ANO1: variants seen among roughly 807,000 people sequenced by gnomAD.
ANO1 encodes the protein anoctamin 1.
ANO1 carries 59 observed loss-of-function variants against 124.0 expected under a neutral mutation model. The observed-to-expected ratio is 0.48, with a 90% CI of 0.39 to 0.59. The LOEUF is 0.59. Among genes scored for constraint, ANO1 ranks in the 20% least tolerant of loss-of-function variants. The pLI, the probability that ANO1 is intolerant of heterozygous loss-of-function variation, is 0.00. For synonymous variants in ANO1, 529 were observed against 532.0 expected, an observed-to-expected ratio of 0.99 and a Z score of 0.08; for missense variants, 1,059 against 1,328.0, an observed-to-expected ratio of 0.80 and a Z score of 3.15.
At chr11:70,131,385 T>C (rs1489010036) in intron 10 of ANO1, among the ~76,000 whole-genome samples, 3 of 152,080 alleles carry the variant, frequency 2.0e-5, no homozygotes, top group Non-Finnish European at 4.4e-5. Context: ...TGGAGTGCAG[T>C]GACGTGATCT....
At chr11:70,125,646 C>A (rs1455059339) in intron 9 of ANO1, among the ~76,000 whole-genome samples, 2 of 151,458 alleles carry the variant, frequency 1.3e-5, no homozygotes, top group African/African-American at 4.9e-5. Flanking sequence ...ACATTGAGAC[C>A]ATCCTGGCTA....
intron 1 of ANO1, among the ~76,000 whole-genome samples, chr11:70,013,455 A>G (rs1307088786): frequency 6.6e-6 from 1 of 152,128 alleles, no homozygotes; most frequent in Non-Finnish European, 1.5e-5. Flanking sequence ...CCAGGCATAC[A>G]TTATTGGTCA....
chr11:69,987,923 G>A (rs570413262), intron 1 of ANO1, among the ~76,000 whole-genome samples: 7 of 152,304 alleles, frequency 4.6e-5, no homozygotes, highest in South Asian at 2.1e-4. Flanking sequence ...CTCCACTCCC[G>A]GAGAGCAGGC....
intron 21 of ANO1, chr11:70,170,050 C>T (rs1028038814): frequency 9.6e-6 from 4 of 414,742 alleles, no homozygotes; most frequent in South Asian, 5.2e-5. Context: ...GGGATGATCC[C>T]CAGGGGGAGG....
In ANO1 at chr11:70,149,781, G is replaced by C; in HGVS notation, c.1330G>C (p.Glu444Gln). ...LNYRWDLTGF[E>Q]EEEEAVKDHP... ...CTACCGCTGGGACCTCACGGGCTTT[G>C]AAGAGGAAGAGGTCAGTGGGTTTGC... is the stretch of plus-strand genomic sequence containing the variant. The change falls in exon 12 of 26, where the codon GAA becomes CAA. Residue 444 changes from glutamate (E) to glutamine (Q), a missense_variant. Physicochemically the swap from Glu to Gln is conservative, Grantham distance 29. Transcript: ENST00000355303. 7 of 1,613,640 alleles carry C rather than the reference G, an allele frequency of 4.3e-6. No individual in the cohort carries two copies. Among genetic ancestry groups the C allele is most frequent in the Non-Finnish European group, 5.9e-6 (7 of 1,179,796 alleles).
intron 20 of ANO1, among the ~76,000 whole-genome samples, chr11:70,166,473 G>A (rs2135737900): frequency 6.6e-6 from 1 of 152,326 alleles, no homozygotes; most frequent in South Asian, 2.1e-4. Flanking sequence ...TGGCTCCCCA[G>A]GGTTTCCAGA....
intron 1 of ANO1, among the ~76,000 whole-genome samples, chr11:69,990,575 C>T (rs1233920881): frequency 6.6e-6 from 1 of 152,196 alleles, no homozygotes; most frequent in Non-Finnish European, 1.5e-5. Context: ...AACTGTTTTA[C>T]ACAATGGCTG....
At chr11:69,972,455 C>T in the ANO1 span, among the ~76,000 whole-genome samples, 3 of 152,024 alleles carry the variant, frequency 2.0e-5, no homozygotes, top group African/African-American at 4.8e-5. Context: ...GACAATGCAA[C>T]GCCTCGTTTC....
intron 1 of ANO1, among the ~76,000 whole-genome samples, chr11:70,054,891 A>G (rs543007162): frequency 1.3e-5 from 2 of 152,300 alleles, no homozygotes; most frequent in South Asian, 4.1e-4. Flanking sequence ...GGGCTGTACA[A>G]TTATTTTCAA....
intron 11 of ANO1, among the ~76,000 whole-genome samples, chr11:70,141,922 C>G (rs1565242322): frequency 6.6e-6 from 1 of 152,110 alleles, no homozygotes; most frequent in African/African-American, 2.4e-5. Context: ...GCCACCCGCC[C>G]GCCGGGGTGT....
chr11:70,102,960 T>C, intron 2 of ANO1, 106 bp from the exon 3 acceptor site: 2 of 754,134 alleles, frequency 2.7e-6, no homozygotes, highest in South Asian at 3.6e-5. Context: ...AAAGCAGCCA[T>C]GCACAGTAGC....
At chr11:70,155,883 G>A in intron 14 of ANO1, 28 bp from the exon 15 acceptor site, 1 of 1,533,714 alleles carries the variant, frequency 6.5e-7, no homozygotes, top group Non-Finnish European at 8.8e-7. Context: ...TCACCGCACG[G>A]TGCTCTCTTT....
chr11:69,980,035 C>G, the ANO1 span, among the ~76,000 whole-genome samples: 1 of 152,148 alleles, frequency 6.6e-6, no homozygotes, highest in African/African-American at 2.4e-5. Flanking sequence ...GTGCTTCTTC[C>G]TCTCCACTTT....
At chr11:70,018,461 A>T (rs1233511879) in intron 1 of ANO1, 3 of 152,160 alleles carry the variant, frequency 2.0e-5, no homozygotes, top group East Asian at 3.9e-4. Flanking sequence ...CCTAGCTCTC[A>T]AGCCGTGAGT....
At chr11:70,176,305 A>T (rs1481237330) in intron 22 of ANO1, among the ~76,000 whole-genome samples, 1 of 151,816 alleles carries the variant, frequency 6.6e-6, no homozygotes, top group Non-Finnish European at 1.5e-5. Context: ...GCGCCACCAG[A>T]TTTGGCTAAT....
In ANO1 at chr11:70,182,697, C is replaced by T. The variant is rs763916374; in HGVS notation, c.2588+11C>T. 5 of 1,511,444 alleles carry T rather than the reference C, an allele frequency of 3.3e-6. No homozygotes were observed. The Admixed American group carries it at 8.8e-5, about 27-fold the overall frequency. 93.6% of individuals were successfully genotyped at this position (1,511,444 alleles called of 1,614,324 possible). On this transcript the variant is annotated intron_variant, in intron 24 of 25. Coordinates refer to ENST00000355303, the MANE Select transcript of ANO1 (RefSeq NM_018043.7). Reference sequence around the variant, plus strand: ...GGTGCAGATCTGCAGGTACTGCTCTCTGCTCCCCTCTTTGAAAAGCCACGT... The same window carrying T: ...GGTGCAGATCTGCAGGTACTGCTCTTTGCTCCCCTCTTTGAAAAGCCACGT...
intron 1 of ANO1, among the ~76,000 whole-genome samples, chr11:70,013,437 C>T (rs1856637303): frequency 6.6e-6 from 1 of 152,018 alleles, no homozygotes; most frequent in Non-Finnish European, 1.5e-5. Flanking sequence ...GAGAAAAGCA[C>T]ACATGTCCCA....
At chr11:70,109,433 T>G (rs1290232128) in intron 6 of ANO1, among the ~76,000 whole-genome samples, 1 of 152,176 alleles carries the variant, frequency 6.6e-6, no homozygotes, top group Non-Finnish European at 1.5e-5. Context: ...CTTGCAGGCC[T>G]GAAGTCTCTA....
intron 12 of ANO1, 29 bp downstream of exon 12, chr11:70,149,821 C>T (rs113766356): frequency 1.6e-5 from 25 of 1,608,202 alleles, no homozygotes; most frequent in African/African-American, 5.3e-5. Context: ...GTGCATATCA[C>T]GCCCTTCCCC....
Sources: gnomAD v4.1 joint callset for allele counts (sites outside exome capture counted in the v4.1 genomes callset) on GRCh38, gnomAD v4.1.1 for gene constraint, MANE v1.5 for transcripts, NCBI Gene and HGNC (gene_info 2026-07-23, HGNC 2026-07-21) for gene names.